ITGA2B: variants seen among roughly 807,000 people sequenced by gnomAD.
ITGA2B encodes integrin subunit alpha 2b.
ITGA2B carries 91 observed loss-of-function variants against 142.0 expected under a neutral mutation model. That is an observed-to-expected ratio of 0.64 (90% CI 0.54 to 0.76). The LOEUF (loss-of-function observed/expected upper bound fraction) is 0.76, where lower values mean the gene tolerates loss of function less well. Ranked by LOEUF, ITGA2B falls within the 30% of genes least tolerant of loss-of-function variation. The probability of loss-of-function intolerance (pLI) is 0.00; values close to 1 mark genes in which losing one functional copy is unlikely to be tolerated. For missense variants in ITGA2B, 1,231 were observed against 1,350.8 expected, an observed-to-expected ratio of 0.91 and a Z score of 1.39; for synonymous variants, 536 against 567.2, an observed-to-expected ratio of 0.94 and a Z score of 0.78.
chr17:44,384,460 C>T (rs565895617), intron 8 of ITGA2B, 78 bp downstream of exon 8: 1 of 1,609,744 alleles, frequency 6.2e-7, no homozygotes, highest in East Asian at 2.2e-5. Flanking sequence ...GGAAGATTTC[C>T]CTACATAGGG....
chr17:44,376,522 G>C, intron 22 of ITGA2B, 134 bp from the exon 23 acceptor site: 1 of 773,132 alleles, frequency 1.3e-6, no homozygotes, highest in Non-Finnish European at 2.3e-6. Flanking sequence ...AGTTAGACCT[G>C]GGAAAGAACT....
In ITGA2B at chr17:44,389,427, C is replaced by G. The variant is rs755624202; in HGVS notation, c.47G>C (p.Trp16Ser). ...ACAAGGTCCCAAGAGCAGCAGCACC[C>G]ACTCCAGAAGCCAGAGGGCTTGCAG... ...CPLQALWLLEWVLLLLGPCAA... is the reference protein window; with the variant it reads ...CPLQALWLLESVLLLLGPCAA... The change falls in exon 1 of 30, where the codon TGG (tryptophan) becomes TCG (serine). Residue 16 changes from tryptophan to serine, a missense_variant. By Grantham distance (177) the Trp-to-Ser change is radical. Around this residue, in one of 3 missense-constraint regions of ITGA2B, gnomAD observed 318 missense variants for 312.2 expected, o/e 1.02. Transcript: ENST00000262407. 7.4e-6 allele frequency: 12 copies of G among 1,614,082 alleles called. No homozygotes were observed. Among genetic ancestry groups the G allele is most frequent in the African/African-American group, 1.3e-5 (1 of 74,946 alleles).
chr17:44,383,373 TA>T, intron 12 of ITGA2B, 119 bp downstream of exon 12: 1 of 926,626 alleles, frequency 1.1e-6, no homozygotes, highest in Non-Finnish European at 1.7e-6. Context: ...CCCATGTGTC[TA>T]AGCCACATAC....
chr17:44,380,405 T>C lies in ITGA2B; in HGVS notation c.1525A>G (p.Thr509Ala), dbSNP rs1336388744. The change falls in exon 15 of 30, where the codon ACC (threonine) becomes GCC (alanine). Residue 509 changes from threonine to alanine, a missense_variant. Transcript: ENST00000262407. Reference protein sequence around the residue: ...PAVKSCVLPQTKTPVSCFNIQ... With the variant: ...PAVKSCVLPQAKTPVSCFNIQ... Reference sequence around the variant, plus strand: ...CCTCACCAGCTCACGGGTGTCTTGGTCTGAGGTAGGACACAGCTCTTCACA... The same window carrying C: ...CCTCACCAGCTCACGGGTGTCTTGGCCTGAGGTAGGACACAGCTCTTCACA... 1 of 1,614,030 alleles carries C rather than the reference T, an allele frequency of 6.2e-7. No homozygotes were observed. The highest frequency in any genetic ancestry group is 8.5e-7 in the Non-Finnish European group (1 of 1,180,032).
At chr17:44,377,169 C>A in intron 21 of ITGA2B, 81 bp from the exon 22 acceptor site, 2 of 980,520 alleles carry the variant, frequency 2.0e-6, no homozygotes, top group Non-Finnish European at 3.2e-6. Context: ...CTCCAGTCTT[C>A]ACCCTCCAAG....
Position 44,375,695 on chromosome 17 carries a change from G to A in ITGA2B, c.2623C>T (p.Pro875Ser). 1 of 1,595,474 alleles carries A rather than the reference G, an allele frequency of 6.3e-7. No homozygotes were observed. The change falls in exon 26 of 30, where the codon CCC (proline) becomes TCC (serine). Residue 875 changes from proline (P) to serine (S), a missense_variant. Physicochemically the swap from Pro to Ser is moderately conservative, Grantham distance 74. Transcript: ENST00000262407. ...GCCGGGTGAATGGGGGAGGGGCTGG[G>A]GATGGGCAGCCCCCAGTCCACCTGG... is the stretch of plus-strand genomic sequence containing the variant. ...PLKVDWGLPI[P>S]SPSPIHPAHH... is the part of the protein sequence containing the mutation.
At chr17:44,379,940 T>C (rs2048579254) in intron 17 of ITGA2B, 62 bp downstream of exon 17, 1 of 1,613,110 alleles carries the variant, frequency 6.2e-7, no homozygotes. Flanking sequence ...CAGGGCTAGA[T>C]GAACAAGTCC....
At chr17:44,380,763 C>T in intron 13 of ITGA2B, 116 bp downstream of exon 13, 1 of 1,585,354 alleles carries the variant, frequency 6.3e-7, no homozygotes, top group Non-Finnish European at 8.7e-7. Context: ...GCCCCTCTGG[C>T]AGTCCATAGT....
intron 29 of ITGA2B, among the ~76,000 whole-genome samples, chr17:44,373,582 G>A (rs2048514685): frequency 1.3e-5 from 2 of 152,210 alleles, no homozygotes; most frequent in Admixed American, 6.5e-5. Context: ...AGGTGCAGAG[G>A]AGCGAGTGAC....
chr17:44,377,674 G>T, intron 21 of ITGA2B, 24 bp downstream of exon 21: 2 of 1,587,392 alleles, frequency 1.3e-6, no homozygotes, highest in Non-Finnish European at 1.7e-6. Context: ...GTGGAGACCC[G>T]GTACCACGAC....
At chr17:44,385,380 GCGCGCGCGAGC>G in intron 4 of ITGA2B, 45 bp from the exon 5 acceptor site, 1 of 1,588,626 alleles carries the variant, frequency 6.3e-7, no homozygotes, top group Non-Finnish European at 8.5e-7. Flanking sequence ...GTGAAGGGAG[GCGCGCGCGAGC>G]CCGGAGGAGG....
Position 44,379,782 on chromosome 17 carries a change from G to A in ITGA2B, c.1785C>T (p.Pro595=). The A allele has an allele frequency of 6.2e-7, 1 of 1,613,854 alleles. No individual in the cohort carries two copies. The highest frequency in any genetic ancestry group is 8.5e-7 in the Non-Finnish European group (1 of 1,179,998). The change falls in exon 18 of 30, where the codon CCC becomes CCT. Residue 595 remains proline, a synonymous_variant. Coordinates refer to ENST00000262407, the MANE Select transcript of ITGA2B (RefSeq NM_000419.5). ...DEADFRDKLS[P]IVLSLNVSLP... is the part of the protein sequence containing the mutation. ...GGGACACATTGAGGCTGAGCACAAT[G>A]GGGCTCAGCTTGTCCCGGAAGTCTG...
Position 44,372,484 on chromosome 17 carries a change from T to A in ITGA2B, c.3061-61A>T, listed in dbSNP as rs865827288. On this transcript the variant is annotated intron_variant, in intron 29 of 29. Transcript: ENST00000262407. Reference sequence around the variant, plus strand: ...GATGATTTGCTGGCCCCAGAGCACATGTGAGGAAGTATGCTAGCTATGAGC... The same window carrying A: ...GATGATTTGCTGGCCCCAGAGCACAAGTGAGGAAGTATGCTAGCTATGAGC... The A allele has an allele frequency of 5.3e-6, 8 of 1,498,968 alleles. No homozygotes were observed. In the Middle Eastern group the frequency reaches 6.8e-4, roughly 128 times the overall value. 92.9% of individuals were successfully genotyped at this position (1,498,968 alleles called of 1,614,324 possible).
intron 13 of ITGA2B, 99 bp downstream of exon 13, chr17:44,380,780 C>G (rs2048589321): frequency 1.3e-6 from 2 of 1,587,266 alleles, no homozygotes; most frequent in Admixed American, 3.3e-5. Context: ...TAGTGGGACA[C>G]CAGGCCAGGC....
chr17:44,378,569 G>C, intron 19 of ITGA2B, 60 bp from the exon 20 acceptor site: 1 of 1,605,814 alleles, frequency 6.2e-7, no homozygotes, highest in Non-Finnish European at 8.5e-7. Context: ...TGTGGGAAAA[G>C]AGGGGACTAA....
In ITGA2B at chr17:44,378,313, T is replaced by C. The variant is rs753874620; in HGVS notation, c.2094+49A>G. The stretch of plus-strand genomic sequence containing the variant: ...GGGAGGGAGATGAGAGAGCCAAGGC[T>C]CCAGTGCCTCCCAGGTCCCGGGTAC... On this transcript the variant is annotated intron_variant, in intron 20 of 29. Transcript: ENST00000262407. The C allele has an allele frequency of 2.5e-6, 4 of 1,583,782 alleles. No homozygotes were observed. The East Asian group carries it at 9.0e-5, about 36-fold the overall frequency.
At chr17:44,381,361 G>A (rs970547096) in intron 12 of ITGA2B, among the ~76,000 whole-genome samples, 8 of 150,994 alleles carry the variant, frequency 5.3e-5, no homozygotes, top group African/African-American at 7.3e-5. Flanking sequence ...ATGGAGTCTC[G>A]CTCTGTTGTC....
At chr17:44,384,378 C>T in intron 8 of ITGA2B, 24 bp from the exon 9 acceptor site, 1 of 1,613,798 alleles carries the variant, frequency 6.2e-7, no homozygotes, top group Non-Finnish European at 8.5e-7. Context: ...GAGCCAGGCT[C>T]AGGGAATGAG....
rs370013826 is a variant in ITGA2B, at chr17:44,385,832, C to T, written c.400G>A (p.Val134Ile). ...TGTACCGCGGGGCCCACCACAATGA[C>T]GTCGCTCCAGCTGACGACCGACGCC... is the stretch of plus-strand genomic sequence containing the variant. ...LGASVVSWSD[V>I]IVACAPWQHW... The change falls in exon 3 of 30, where the codon GTC (valine) becomes ATC (isoleucine). Residue 134 changes from valine (V) to isoleucine (I), a missense_variant. Physicochemically the swap from Val to Ile is conservative, Grantham distance 29. Coordinates refer to ENST00000262407, the MANE Select transcript of ITGA2B (RefSeq NM_000419.5). The T allele has an allele frequency of 3.7e-6, 6 of 1,604,264 alleles. No homozygotes were observed. The African/African-American group carries it at 8.0e-5, about 21-fold the overall frequency.
Sources: gnomAD v4.1 joint callset for allele counts (sites outside exome capture counted in the v4.1 genomes callset) on GRCh38, gnomAD v4.1.1 for gene constraint, gnomAD v4.1.1 regional missense constraint, MANE v1.5 for transcripts, NCBI Gene and HGNC (gene_info 2026-07-23, HGNC 2026-07-21) for gene names.